The following RGS20 variants were observed in gnomAD, a reference collection of about 807,000 sequenced individuals.
RGS20 encodes gz-selective GTPase-activating protein.
Under a neutral mutation model 33.6 loss-of-function variants are expected in RGS20, and 30 were observed. The ratio of observed to expected loss-of-function variants is 0.89; its 90% CI spans 0.67 to 1.21. The LOEUF is 1.21. Among genes scored for constraint, RGS20 ranks in the 50% most tolerant of loss-of-function variants. RGS20 has a pLI of 0.00. For missense variants in RGS20, 472 were observed against 502.4 expected, an observed-to-expected ratio of 0.94 and a Z score of 0.58; for synonymous variants, 208 against 197.9, an observed-to-expected ratio of 1.05 and a Z score of -0.43.
intron 2 of RGS20, 24 bp downstream of exon 1, chr8:53,881,108 T>A: frequency 1.4e-6 from 2 of 1,466,816 alleles, no homozygotes; most frequent in Non-Finnish European, 1.8e-6. Flanking sequence ...TTCCTCGAAC[T>A]CTCTTTCTTC....
Position 53,881,024 on chromosome 8 carries a change from G to C in RGS20, c.510+1422G>C, listed in dbSNP as rs533825043. The C allele has an allele frequency of 3.0e-3, 4,767 of 1,589,470 alleles. 15 individuals are homozygous for C. The highest frequency in any genetic ancestry group is 3.6e-3 in the Non-Finnish European group (4,245 of 1,174,532). Reference sequence around the variant, plus strand: ...AGGCACCCGCGGGACGCATGCGCACGGCGGACGGAGGCGAGCCGGCCGGGG... The same window carrying C: ...AGGCACCCGCGGGACGCATGCGCACCGCGGACGGAGGCGAGCCGGCCGGGG... On this transcript the variant is annotated intron_variant, in intron 2 of 5. Coordinates refer to ENST00000297313, the MANE Select transcript of RGS20 (RefSeq NM_170587.4).
chr8:53,933,370 T>G (rs1814030576), intron 2 of RGS20, among the ~76,000 whole-genome samples: 1 of 152,084 alleles, frequency 6.6e-6, no homozygotes, highest in African/African-American at 2.4e-5. Context: ...GAAAAAAGAT[T>G]AGAGGAATTG....
chr8:53,892,253 G>GTGTATT (rs1201049083), intron 2 of RGS20, among the ~76,000 whole-genome samples: 1 of 152,186 alleles, frequency 6.6e-6, no homozygotes, highest in Non-Finnish European at 1.5e-5. Flanking sequence ...GTATTCCATG[G>GTGTATT]TGTATATGTG....
chr8:53,867,275 A>AC (rs2129270068), intron 1 of RGS20, among the ~76,000 whole-genome samples: 1 of 152,236 alleles, frequency 6.6e-6, no homozygotes, highest in East Asian at 1.9e-4. Flanking sequence ...TTTTAAAAAA[A>AC]ATATTCTGAG....
chr8:53,932,082 A>C (rs1293991831), intron 2 of RGS20, among the ~76,000 whole-genome samples: 3 of 152,100 alleles, frequency 2.0e-5, no homozygotes, highest in African/African-American at 7.2e-5. Context: ...TGAATATCGG[A>C]CCCCACTCTC....
chr8:53,948,213 G>GTATATATATTTACATATGCTATATATGAT (rs1563431623), intron 4 of RGS20, among the ~76,000 whole-genome samples: 5 of 84,250 alleles, frequency 5.9e-5, no homozygotes, highest in African/African-American at 1.6e-4. Context: ...CTATATATAA[G>GTATATATATTTACATATGCTATATATGAT]ATAGTATATA....
In RGS20 at chr8:53,923,267, CAA is replaced by C. The variant is rs145692881; in HGVS notation, c.511-16308_511-16307del. Among the ~76,000 whole-genome samples, 787 of 152,146 alleles carry C rather than the reference CAA, an allele frequency of 5.2e-3. 5 individuals carry two copies. The highest frequency in any genetic ancestry group is 0.018 in the African/African-American group (751 of 41,530). On this transcript the variant is annotated intron_variant, in intron 2 of 5. Coordinates refer to ENST00000297313, the MANE Select transcript of RGS20 (RefSeq NM_170587.4). ...CTTTTAAAGAAGCTAAGAAAAGAAA[CAA>C]GAGCAGAAATATACGTATAGAGTTT...
At chr8:53,954,392 A>C in intron 5 of RGS20, 82 bp downstream of exon 4, 1 of 917,952 alleles carries the variant, frequency 1.1e-6, no homozygotes, top group African/African-American at 1.6e-5. Flanking sequence ...GGCCGGGCAC[A>C]GTGGCTCACG....
intron 1 of RGS20, among the ~76,000 whole-genome samples, chr8:53,869,887 A>G (rs1046860210): frequency 3.3e-5 from 5 of 152,046 alleles, no homozygotes; most frequent in East Asian, 1.9e-4. Flanking sequence ...TGGGGTTCAT[A>G]GTGGGACTGA....
chr8:53,853,189 G>T (rs1427314465), intron 1 of RGS20, among the ~76,000 whole-genome samples: 1 of 152,184 alleles, frequency 6.6e-6, no homozygotes, highest in African/African-American at 2.4e-5. Flanking sequence ...AGGCTACTTT[G>T]AGGAAACAGA....
Position 53,933,940 on chromosome 8 carries a change from T to TG in RGS20, c.511-5632dup, listed in dbSNP as rs1783623405. ...AGAAACCCTACAAGCCAGAAGAGAG[T>TG]GGGGTCCAATATTCAACATTCTTAA... On this transcript the variant is annotated intron_variant, in intron 2 of 5. Coordinates refer to ENST00000297313, the MANE Select transcript of RGS20 (RefSeq NM_170587.4). Among the ~76,000 whole-genome samples the TG allele has an allele frequency of 4.6e-5, 7 of 152,032 alleles. No individual in the cohort carries two copies. The South Asian group carries it at 1.5e-3, about 32-fold the overall frequency.
chr8:53,939,874 G>A (rs1028735030), intron 3 of RGS20, 150 bp downstream of exon 2: 26 of 894,828 alleles, frequency 2.9e-5, no homozygotes, highest in Non-Finnish European at 4.1e-5. Flanking sequence ...GACACACAGG[G>A]ACACCCAAGA....
rs987370295 is a variant in RGS20, at chr8:53,959,124, T to G, written c.*666T>G. ...AGCAGCAGTGCTTAGAAAATTCTTT[T>G]GTTGAAAAGAGTTACTGTTATTATC... On this transcript the variant is annotated 3_prime_UTR_variant, in exon 6 of 6. Transcript: ENST00000297313. 6.6e-6 allele frequency: 1 copy of G among 152,220 alleles called. No homozygotes were observed. The allele number at this position is 152,220 out of a possible 1,614,324, so 9.4% of individuals were successfully genotyped here.
chr8:53,888,427 A>G (rs948300962), intron 2 of RGS20, among the ~76,000 whole-genome samples: 4 of 152,222 alleles, frequency 2.6e-5, no homozygotes, highest in African/African-American at 9.6e-5. Flanking sequence ...ATGTAAGTGT[A>G]CCCCCACAGA....
chr8:53,933,065 C>T (rs950989798), intron 2 of RGS20, among the ~76,000 whole-genome samples: 3 of 152,180 alleles, frequency 2.0e-5, no homozygotes, highest in African/African-American at 4.8e-5. Context: ...ATAGCATCAA[C>T]ATCAACAAAA....
At position 53,907,841 on chromosome 8, in the gene RGS20, C is replaced by T. The variant is rs116000472; in HGVS notation, c.510+28239C>T. ...ACAGATTAAGTTTAAAGGTCATTAC[C>T]GGCTACCGTGTCTAAGGGTGAGGTT... is the stretch of plus-strand genomic sequence containing the variant. On this transcript the variant is annotated intron_variant, in intron 2 of 5. Transcript: ENST00000297313. Among the ~76,000 whole-genome samples the T allele has an allele frequency of 6.5e-3, 992 of 152,234 alleles. 8 individuals carry two copies. The highest frequency in any genetic ancestry group is 0.021 in the African/African-American group (890 of 41,548).
Position 53,958,374 on chromosome 8 carries a change from CA to C in RGS20, c.1084del (p.Arg362GlufsTer8), listed in dbSNP as rs753371148. ...AACTTCAGATTTACACCCTGATGCA[CA>C]GAGACTCATATCCTCGATTCATGAA... On this transcript the variant is annotated frameshift_variant, in exon 6 of 6. Transcript: ENST00000297313. LOFTEE classifies it high-confidence loss of function. 2 of 1,613,816 alleles carry C rather than the reference CA, an allele frequency of 1.2e-6. No homozygotes were observed. Among genetic ancestry groups the C allele is most frequent in the Non-Finnish European group, 1.7e-6 (2 of 1,179,802 alleles).
chr8:53,864,443 A>C (rs1477951448), intron 1 of RGS20, among the ~76,000 whole-genome samples: 1 of 151,880 alleles, frequency 6.6e-6, no homozygotes, highest in Non-Finnish European at 1.5e-5. Context: ...AAAAAAAAAA[A>C]AAAAAAAACT....
chr8:53,885,478 T>A (rs1312297660), intron 2 of RGS20, among the ~76,000 whole-genome samples: 1 of 152,170 alleles, frequency 6.6e-6, no homozygotes, highest in African/African-American at 2.4e-5. Flanking sequence ...GCTGGGCGTA[T>A]TAGCGGGCGT....
Sources: gnomAD v4.1 joint callset for allele counts (sites outside exome capture counted in the v4.1 genomes callset) on GRCh38, gnomAD v4.1.1 for gene constraint, MANE v1.5 for transcripts, NCBI Gene and HGNC (gene_info 2026-07-23, HGNC 2026-07-21) for gene names.